COX6C: variants seen among roughly 807,000 people sequenced by gnomAD.
COX6C encodes the protein cytochrome c oxidase polypeptide VIc.
In COX6C, 3 loss-of-function variants were observed where a neutral mutation model predicts 6.9. The ratio of observed to expected loss-of-function variants is 0.43; its 90% CI spans 0.20 to 1.12. COX6C has a LOEUF of 1.12. COX6C is among the 50% of genes most tolerant of loss of function. The probability of loss-of-function intolerance (pLI) is 0.27; values close to 1 mark genes in which losing one functional copy is unlikely to be tolerated. For synonymous variants in COX6C, 32 were observed against 32.0 expected (o/e 1.00, Z 0.00); for missense variants, 101 against 97.3 (o/e 1.04, Z -0.16).
rs904284473 is a variant in COX6C at position 99,888,316 on chromosome 8, C to T, written c.115-698G>A. On this transcript the variant is annotated intron_variant, in intron 2 of 3. Coordinates refer to ENST00000520468, the MANE Select transcript of COX6C (RefSeq NM_004374.4). ...GGTCGGGCGTGGTGGCTCATGCCTA[C>T]AATCCCAGCACTTTGGGAGGCCAAG... 3.9e-5 allele frequency among the ~76,000 whole-genome samples: 6 copies of T among 152,044 alleles called. No homozygotes were observed. The East Asian group carries it at 9.7e-4, about 25-fold the overall frequency.
At position 99,883,453 on chromosome 8, in the gene COX6C, G is replaced by A. The variant is rs868434572; in HGVS notation, c.*15+4037C>T. On this transcript the variant is annotated intron_variant, in intron 3 of 3. Transcript: ENST00000520468. ...TATGTATGTGTGTGTGTGTGTGTGTGTATATATATATATATATATTTTTTT... is the reference window on the plus strand; with the variant it reads ...TATGTATGTGTGTGTGTGTGTGTGTATATATATATATATATATATTTTTTT... 6.8e-3 allele frequency among the ~76,000 whole-genome samples: 922 copies of A among 135,130 alleles called. 6 individuals are homozygous for A. Among genetic ancestry groups the A allele is most frequent in the African/African-American group, 0.022 (765 of 35,552 alleles). 88.7% of individuals were successfully genotyped at this position (135,130 alleles called of 152,430 possible). A position where few individuals can be genotyped will look rare whatever the true frequency, so the allele number is the denominator to read the frequency against.
At chr8:99,879,072 A>G (rs565811551) in intron 3 of COX6C, among the ~76,000 whole-genome samples, 14 of 152,380 alleles carry the variant, frequency 9.2e-5, no homozygotes, top group African/African-American at 2.9e-4. Flanking sequence ...TTTACAAGGC[A>G]TAAACCCAGA....
chr8:99,889,813 G>A (rs1466188677), intron 2 of COX6C, among the ~76,000 whole-genome samples: 7 of 151,878 alleles, frequency 4.6e-5, no homozygotes, highest in African/African-American at 9.7e-5. Context: ...AAATGCGACC[G>A]GGTGCGGTGG....
At chr8:99,886,714 A>C (rs1306379166) in intron 3 of COX6C, among the ~76,000 whole-genome samples, 1 of 152,226 alleles carries the variant, frequency 6.6e-6, no homozygotes, top group African/African-American at 2.4e-5. Flanking sequence ...ACATGGATGA[A>C]CCTTGAGTAC....
At position 99,878,103 on chromosome 8, in the gene COX6C, T is replaced by G. The variant is rs943767291; in HGVS notation, c.*178A>C. 1 of 152,222 alleles carries G rather than the reference T, an allele frequency of 6.6e-6. No homozygotes were observed. Among genetic ancestry groups the G allele is most frequent in the Non-Finnish European group, 1.5e-5 (1 of 68,040 alleles). 9.4% of individuals were successfully genotyped at this position (152,222 alleles called of 1,614,324 possible). A position where few individuals can be genotyped will look rare whatever the true frequency, so the allele number is the denominator to read the frequency against. Reference sequence around the variant, plus strand: ...CCAAACCAATTCTTATGCTAGTAAGTGCCCTGCATTATCATTAAGAACTGA... The same window carrying G: ...CCAAACCAATTCTTATGCTAGTAAGGGCCCTGCATTATCATTAAGAACTGA... On this transcript the variant is annotated 3_prime_UTR_variant, in exon 4 of 4. Coordinates refer to ENST00000520468, the MANE Select transcript of COX6C (RefSeq NM_004374.4).
intron 3 of COX6C, among the ~76,000 whole-genome samples, chr8:99,882,090 G>A (rs1817874563): frequency 6.7e-6 from 1 of 149,008 alleles, no homozygotes; most frequent in Non-Finnish European, 1.5e-5. Context: ...AATATATGAA[G>A]CAAACACTGA....
intron 2 of COX6C, among the ~76,000 whole-genome samples, chr8:99,890,424 C>A (rs1467469134): frequency 6.6e-6 from 1 of 152,210 alleles, no homozygotes; most frequent in East Asian, 1.9e-4. Context: ...ACTCTAAGTT[C>A]TTTAAGAACA....
At chr8:99,879,534 A>C (rs1431426144) in intron 3 of COX6C, among the ~76,000 whole-genome samples, 1 of 152,226 alleles carries the variant, frequency 6.6e-6, no homozygotes, top group Non-Finnish European at 1.5e-5. Context: ...GAATAAACAT[A>C]TGGACCAAAA....
At chr8:99,884,460 TATACC>T (rs1374684769) in intron 3 of COX6C, among the ~76,000 whole-genome samples, 11 of 152,192 alleles carry the variant, frequency 7.2e-5, no homozygotes, top group Non-Finnish European at 1.3e-4. Context: ...GAAACAGATA[TATACC>T]TGTATACTGC....
chr8:99,889,384 A>ATTTT (rs11287901), intron 2 of COX6C, among the ~76,000 whole-genome samples: 1 of 126,346 alleles, frequency 7.9e-6, no homozygotes, highest in Non-Finnish European at 1.6e-5. Flanking sequence ...CCACCTCCCA[A>ATTTT]TTTTTTTTTT....
intron 3 of COX6C, chr8:99,878,847 T>G (rs1370917995): frequency 1.3e-5 from 2 of 152,196 alleles, no homozygotes; most frequent in African/African-American, 4.8e-5. Flanking sequence ...TTAATACACA[T>G]GGTACCCAAC....
intron 2 of COX6C, among the ~76,000 whole-genome samples, chr8:99,889,953 G>C (rs1259573789): frequency 6.6e-6 from 1 of 151,876 alleles, no homozygotes; most frequent in African/African-American, 2.4e-5. Context: ...AATTAGCCGG[G>C]TGTGGTGGCG....
intron 3 of COX6C, among the ~76,000 whole-genome samples, chr8:99,882,082 T>C (rs1817874459): frequency 6.6e-6 from 1 of 152,260 alleles, no homozygotes; most frequent in East Asian, 1.9e-4. Context: ...GAGCTCTAAA[T>C]ATATGAAGCA....
chr8:99,888,746 C>A (rs1214454761), intron 2 of COX6C, among the ~76,000 whole-genome samples: 1 of 152,182 alleles, frequency 6.6e-6, no homozygotes, highest in Non-Finnish European at 1.5e-5. Flanking sequence ...GCTGAAAGGC[C>A]AGACTGTTGG....
At chr8:99,886,620 T>C (rs993021014) in intron 3 of COX6C, among the ~76,000 whole-genome samples, 1 of 152,182 alleles carries the variant, frequency 6.6e-6, no homozygotes, top group African/African-American at 2.4e-5. Flanking sequence ...AAGCATCTAC[T>C]GATGGATGAA....
intron 3 of COX6C, chr8:99,886,424 G>C (rs915645695): frequency 6.6e-6 from 1 of 152,140 alleles, no homozygotes; most frequent in Non-Finnish European, 1.5e-5. Flanking sequence ...AGGATGGAAA[G>C]AGTGTAAAAT....
chr8:99,886,254 G>A (rs557296264), intron 3 of COX6C: 2 of 152,346 alleles, frequency 1.3e-5, no homozygotes, highest in Admixed American at 6.5e-5. Context: ...GCCAGGTGTG[G>A]TGGCACATGC....
At chr8:99,885,598 C>T (rs922991037) in intron 3 of COX6C, among the ~76,000 whole-genome samples, 4 of 152,142 alleles carry the variant, frequency 2.6e-5, no homozygotes, top group African/African-American at 9.7e-5. Flanking sequence ...CTGGATACCA[C>T]ATGTAAAAGA....
intron 3 of COX6C, among the ~76,000 whole-genome samples, chr8:99,880,350 T>C (rs1276513345): frequency 6.6e-6 from 1 of 152,154 alleles, no homozygotes; most frequent in Non-Finnish European, 1.5e-5. Context: ...AAATGCTCAA[T>C]GAGCTAAAGG....
Sources: allele counts gnomAD v4.1 joint callset (sites outside exome capture counted in the v4.1 genomes callset), GRCh38; gene constraint gnomAD v4.1.1; transcripts MANE v1.5; gene names NCBI Gene and HGNC (gene_info 2026-07-23, HGNC 2026-07-21).